Variants in CXADR observed in about 807,000 individuals in gnomAD.
CXADR encodes CXADR cell adhesion molecule, also known as coxsackievirus and adenovirus receptor.
A neutral mutation model predicts 40.3 loss-of-function variants in CXADR; 20 were observed. That is an observed-to-expected ratio of 0.50 (90% confidence interval 0.35 to 0.72). The LOEUF is 0.72. CXADR is among the 30% of genes least tolerant of loss of function. The pLI, the probability that CXADR is intolerant of heterozygous loss-of-function variation, is 0.01. For missense variants in CXADR, 332 were observed against 449.1 expected, an observed-to-expected ratio of 0.74 and a Z score of 2.36; for synonymous variants, 150 against 161.3, an observed-to-expected ratio of 0.93 and a Z score of 0.53.
At chr21:17,593,989 C>T, downstream of CXADR, 1 of 1,331,466 alleles carries the variant, frequency 7.5e-7, no homozygotes, top group African/African-American at 1.5e-5. Flanking sequence ...ATGGTTTGGC[C>T]CATCTAACTT....
chr21:17,537,653 G>A (rs2060776273), intron 1 of CXADR, among the ~76,000 whole-genome samples: 1 of 151,964 alleles, frequency 6.6e-6, no homozygotes, highest in Non-Finnish European at 1.5e-5. Flanking sequence ...TAAAAACACA[G>A]AAAATATGTT....
intron 7 of CXADR, among the ~76,000 whole-genome samples, chr21:17,586,665 G>C (rs975649692): frequency 6.6e-6 from 1 of 151,806 alleles, no homozygotes; most frequent in African/African-American, 2.4e-5. Flanking sequence ...TTTATGGTTT[G>C]AAGTAGGGGG....
At chr21:17,604,207 C>T in the CXADR span, 16 of 985,272 alleles carry the variant, frequency 1.6e-5, no homozygotes, top group Non-Finnish European at 2.2e-5. Context: ...CTTTGGGAGG[C>T]CAAGGCGGGC....
intron 7 of CXADR, among the ~76,000 whole-genome samples, chr21:17,579,564 G>C (rs941840065): frequency 6.6e-6 from 1 of 152,130 alleles, no homozygotes; most frequent in African/African-American, 2.4e-5. Flanking sequence ...GATTACAGGC[G>C]TGAGCCACTG....
At chr21:17,539,253 T>C (rs2123210822) in intron 1 of CXADR, among the ~76,000 whole-genome samples, 1 of 152,332 alleles carries the variant, frequency 6.6e-6, no homozygotes, top group Non-Finnish European at 1.5e-5. Context: ...TCCCCCTGCC[T>C]CCAAATCAAG....
chr21:17,573,879 C>G (rs2061299306), downstream of CXADR, among the ~76,000 whole-genome samples: 1 of 152,202 alleles, frequency 6.6e-6, no homozygotes, highest in African/African-American at 2.4e-5. Context: ...TGCACTCCAG[C>G]CTGGGCAACA....
chr21:17,595,693 AAAC>A (rs199700690), downstream of CXADR, among the ~76,000 whole-genome samples: 10 of 151,958 alleles, frequency 6.6e-5, no homozygotes, highest in Admixed American at 6.6e-4. Flanking sequence ...ACTATTAAAA[AAAC>A]AATGATACAC....
At chr21:17,547,614 TA>T (rs2123250144) in intron 2 of CXADR, among the ~76,000 whole-genome samples, 1 of 152,342 alleles carries the variant, frequency 6.6e-6, no homozygotes, top group East Asian at 1.9e-4. Context: ...TTGAAATTTT[TA>T]AGTTTTACCC....
At chr21:17,544,021 T>G (rs1286202399) in intron 1 of CXADR, among the ~76,000 whole-genome samples, 2 of 151,926 alleles carry the variant, frequency 1.3e-5, no homozygotes, top group African/African-American at 2.4e-5. Context: ...AAATAGAACA[T>G]GTGACACAAC....
chr21:17,519,588 C>G (rs997236907), intron 1 of CXADR, among the ~76,000 whole-genome samples: 6 of 152,268 alleles, frequency 3.9e-5, no homozygotes, highest in Admixed American at 3.9e-4. Context: ...TATTTTGGTT[C>G]TTTCCCACCC....
intron 6 of CXADR, among the ~76,000 whole-genome samples, chr21:17,564,192 G>A (rs1480110596): frequency 1.3e-5 from 2 of 150,682 alleles, no homozygotes; most frequent in East Asian, 4.0e-4. Context: ...GGATGCTCAA[G>A]TCCCTGATAT....
chr21:17,561,417 T>A lies in CXADR; in HGVS notation c.774T>A (p.Phe258Leu). The change falls in exon 6 of 7, where the codon TTT (phenylalanine) becomes TTA (leucine). Residue 258 changes from phenylalanine (F) to leucine (L), a missense_variant. Physicochemically the swap from Phe to Leu is conservative, Grantham distance 22. Around this residue, in one of 3 missense-constraint regions of CXADR, gnomAD observed 150 missense variants for 194.2 expected, o/e 0.77. Transcript: ENST00000284878. ...TAGCGCTCATTGGTCTTATCATCTT[T>A]TGCTGTCGTAAAAAGCGCAGAGAAG... is the stretch of plus-strand genomic sequence containing the variant. ...LALALIGLIIFCCRKKRREEK... is the reference protein window; with the variant it reads ...LALALIGLIILCCRKKRREEK... 1 of 1,612,994 alleles carries A rather than the reference T, an allele frequency of 6.2e-7. No individual in the cohort carries two copies. The highest frequency in any genetic ancestry group is 8.5e-7 in the Non-Finnish European group (1 of 1,179,384).
rs374649023 is a variant in CXADR at position 17,541,290 on chromosome 21, C to T, written c.44-5737C>T. On this transcript the variant is annotated intron_variant, in intron 1 of 6. Transcript: ENST00000284878. ...TGTTCCGGCTGGGCGCGGTGGCTCA[C>T]GCCTGTAATCCCAGCACTTTGGGAG... Among the ~76,000 whole-genome samples, 9 of 152,254 alleles carry T rather than the reference C, an allele frequency of 5.9e-5. No individual in the cohort carries two copies. In the East Asian group the frequency reaches 1.5e-3, roughly 26 times the overall value.
the CXADR span, among the ~76,000 whole-genome samples, chr21:17,608,478 C>A: frequency 6.6e-6 from 1 of 151,842 alleles, no homozygotes; most frequent in Admixed American, 6.6e-5. Flanking sequence ...CTGACTTCTA[C>A]CACAAATATA....
At chr21:17,514,096 C>T (rs1201112144) in intron 1 of CXADR, among the ~76,000 whole-genome samples, 1 of 152,188 alleles carries the variant, frequency 6.6e-6, no homozygotes, top group Non-Finnish European at 1.5e-5. Flanking sequence ...ACCAACTGAT[C>T]TTGTTTGTCA....
intron 7 of CXADR, among the ~76,000 whole-genome samples, chr21:17,579,571 A>C (rs1271168035): frequency 6.6e-6 from 1 of 152,224 alleles, no homozygotes; most frequent in Non-Finnish European, 1.5e-5. Context: ...GGCGTGAGCC[A>C]CTGCGCCCCG....
chr21:17,609,457 A>G, the CXADR span, among the ~76,000 whole-genome samples: 19 of 152,246 alleles, frequency 1.2e-4, no homozygotes, highest in Non-Finnish European at 2.6e-4. Flanking sequence ...ACTATAATAA[A>G]TGATACGACA....
At chr21:17,549,577 C>T (rs1265948621) in intron 2 of CXADR, among the ~76,000 whole-genome samples, 4 of 152,200 alleles carry the variant, frequency 2.6e-5, no homozygotes, top group East Asian at 1.9e-4. Context: ...ACAATGCCAT[C>T]GTCCTTGCAG....
chr21:17,551,529 A>G (rs1323638122), intron 2 of CXADR, among the ~76,000 whole-genome samples: 1 of 152,230 alleles, frequency 6.6e-6, no homozygotes, highest in African/African-American at 2.4e-5. Context: ...CCCATTAAAA[A>G]TAGAAGTCTG....
Sources: gnomAD v4.1 joint callset for allele counts (sites outside exome capture counted in the v4.1 genomes callset) on GRCh38, gnomAD v4.1.1 for gene constraint, gnomAD v4.1.1 regional missense constraint, MANE v1.5 for transcripts, NCBI Gene and HGNC (gene_info 2026-07-23, HGNC 2026-07-21) for gene names.